SLCO5A1: variants seen among roughly 807,000 people sequenced by gnomAD.
The protein encoded by SLCO5A1 is solute carrier organic anion transporter family member 5A1.
Under a neutral mutation model 65.1 loss-of-function variants are expected in SLCO5A1, and 39 were observed. That is an observed-to-expected ratio of 0.60 (90% CI 0.46 to 0.78). The LOEUF (loss-of-function observed/expected upper bound fraction) is 0.78, where lower values mean the gene tolerates loss of function less well. Among genes scored for constraint, SLCO5A1 ranks in the 30% least tolerant of loss-of-function variants. SLCO5A1 has a pLI of 0.00. For synonymous variants in SLCO5A1, 438 were observed against 415.7 expected (o/e 1.05, Z -0.65); for missense variants, 1,029 against 1,069.4 (o/e 0.96, Z 0.53).
At chr8:69,806,484 GATCTTGTTACATCTT>G (rs1459351633) in intron 2 of SLCO5A1, among the ~76,000 whole-genome samples, 2 of 152,192 alleles carry the variant, frequency 1.3e-5, no homozygotes, top group Non-Finnish European at 2.9e-5. Flanking sequence ...TGTAGCCATT[GATCTTGTTACATCTT>G]ATCTCCACGT....
chr8:69,833,339 G>C (rs1821265012), intron 1 of SLCO5A1, 170 bp from the exon 2 acceptor site: 1 of 152,360 alleles, frequency 6.6e-6, no homozygotes, highest in African/African-American at 2.4e-5. Flanking sequence ...GCAGTCTCCA[G>C]TCCCGGAACA....
intron 2 of SLCO5A1, among the ~76,000 whole-genome samples, chr8:69,797,908 T>TTTGTACA (rs1242616395): frequency 2.0e-5 from 3 of 152,190 alleles, no homozygotes; most frequent in African/African-American, 7.2e-5. Flanking sequence ...AAGCATGTGA[T>TTTGTACA]CTCTGTGACC....
intron 2 of SLCO5A1, among the ~76,000 whole-genome samples, chr8:69,828,525 C>T (rs1821023145): frequency 6.6e-6 from 1 of 151,826 alleles, no homozygotes; most frequent in Non-Finnish European, 1.5e-5. Flanking sequence ...TGGCGTCAAC[C>T]TGGAAGGCGG....
intron 2 of SLCO5A1, among the ~76,000 whole-genome samples, chr8:69,792,893 AT>A (rs1408458427): frequency 6.6e-6 from 1 of 152,174 alleles, no homozygotes; most frequent in African/African-American, 2.4e-5. Context: ...TGGAAAAAAA[AT>A]CATAGTAAAT....
At chr8:69,734,282 A>T (rs1263891333) in intron 5 of SLCO5A1, among the ~76,000 whole-genome samples, 1 of 152,122 alleles carries the variant, frequency 6.6e-6, no homozygotes, top group Non-Finnish European at 1.5e-5. Context: ...AGTAAGCTTT[A>T]TCCACCCCTG....
intron 2 of SLCO5A1, among the ~76,000 whole-genome samples, chr8:69,806,830 C>A (rs1289646358): frequency 6.6e-6 from 1 of 152,218 alleles, no homozygotes; most frequent in Non-Finnish European, 1.5e-5. Flanking sequence ...AAACCTTGAA[C>A]ACATTCTATG....
intron 2 of SLCO5A1, among the ~76,000 whole-genome samples, chr8:69,802,356 A>C (rs924419650): frequency 4.6e-5 from 7 of 151,552 alleles, no homozygotes; most frequent in Non-Finnish European, 8.8e-5. Context: ...AATGAACCGA[A>C]TTAGCCAGGC....
intron 2 of SLCO5A1, among the ~76,000 whole-genome samples, chr8:69,784,811 A>AAAAGAAAGAAATAAAGAAAG (rs1818943021): frequency 2.8e-5 from 2 of 70,930 alleles, no homozygotes; most frequent in Non-Finnish European, 5.0e-5. Context: ...GAAAGAAAGA[A>AAAAGAAAGAAATAAAGAAAG]AAAGAAAGAA....
intron 4 of SLCO5A1, among the ~76,000 whole-genome samples, chr8:69,753,524 A>T (rs1402713651): frequency 1.3e-5 from 2 of 152,160 alleles, no homozygotes. Context: ...TTCCAAAAGA[A>T]CTTCATTCTC....
intron 5 of SLCO5A1, among the ~76,000 whole-genome samples, chr8:69,730,175 A>C (rs1816267488): frequency 6.6e-6 from 1 of 152,218 alleles, no homozygotes; most frequent in Non-Finnish European, 1.5e-5. Context: ...ACATCTAGTT[A>C]AGTCACAGAT....
chr8:69,689,947 G>A (rs549457130), intron 6 of SLCO5A1, among the ~76,000 whole-genome samples: 2 of 152,252 alleles, frequency 1.3e-5, no homozygotes, highest in Non-Finnish European at 2.9e-5. Context: ...CCATTTTCAC[G>A]ATATTGATTC....
At chr8:69,819,489 G>C (rs1446352967) in intron 2 of SLCO5A1, among the ~76,000 whole-genome samples, 1 of 152,154 alleles carries the variant, frequency 6.6e-6, no homozygotes, top group Admixed American at 6.5e-5. Context: ...ACTTCTATCG[G>C]TTTTTAAAAG....
chr8:69,776,029 GA>G (rs1230822445), intron 2 of SLCO5A1, among the ~76,000 whole-genome samples: 1 of 151,608 alleles, frequency 6.6e-6, no homozygotes, highest in Non-Finnish European at 1.5e-5. Context: ...AAAAGAAAAA[GA>G]AAAAAAGCTG....
chr8:69,750,604 T>A (rs141860596), intron 4 of SLCO5A1, among the ~76,000 whole-genome samples: 16 of 152,298 alleles, frequency 1.1e-4, no homozygotes, highest in Non-Finnish European at 2.1e-4. Flanking sequence ...CCCAGTTTTC[T>A]GGCCTTTGCT....
At chr8:69,810,124 G>C (rs1229015264) in intron 2 of SLCO5A1, among the ~76,000 whole-genome samples, 1 of 152,202 alleles carries the variant, frequency 6.6e-6, no homozygotes, top group Non-Finnish European at 1.5e-5. Context: ...CCAGGCCCAG[G>C]TGGGGGTTCT....
intron 5 of SLCO5A1, among the ~76,000 whole-genome samples, chr8:69,732,135 G>T (rs1816363764): frequency 1.3e-5 from 2 of 152,156 alleles, no homozygotes; most frequent in African/African-American, 2.4e-5. Context: ...AAGTTCAGTG[G>T]CACTGCTGTA....
At chr8:69,702,280 G>C (rs1268399654) in intron 6 of SLCO5A1, among the ~76,000 whole-genome samples, 1 of 152,142 alleles carries the variant, frequency 6.6e-6, no homozygotes, top group African/African-American at 2.4e-5. Context: ...CATAACCCTT[G>C]CCCACAACCT....
At chr8:69,800,822 AG>A (rs1167118537) in intron 2 of SLCO5A1, among the ~76,000 whole-genome samples, 1 of 152,184 alleles carries the variant, frequency 6.6e-6, no homozygotes, top group South Asian at 2.1e-4. Context: ...ACAGAGGAAA[AG>A]GGTGTTCCCC....
chr8:69,773,373 G>C (rs1484031280), intron 2 of SLCO5A1, among the ~76,000 whole-genome samples: 2 of 152,228 alleles, frequency 1.3e-5, no homozygotes, highest in African/African-American at 2.4e-5. Context: ...GCAGGCTCCA[G>C]CATCTAGAAT....
Sources: allele counts gnomAD v4.1 joint callset (sites outside exome capture counted in the v4.1 genomes callset), GRCh38; gene constraint gnomAD v4.1.1; transcripts MANE v1.5; gene names NCBI Gene and HGNC (gene_info 2026-07-23, HGNC 2026-07-21).